The following COL12A1 variants were observed in gnomAD, a reference collection of about 807,000 sequenced individuals.
COL12A1 encodes collagen alpha-1(XII) chain.
Under a neutral mutation model 349.7 loss-of-function variants are expected in COL12A1, and 114 were observed. The observed-to-expected ratio is 0.33, with a 90% CI of 0.28 to 0.38. The LOEUF is 0.38. Ranked by LOEUF, COL12A1 falls within the 10% of genes least tolerant of loss-of-function variation. COL12A1 has a pLI of 1.00. For missense variants in COL12A1, 3,284 were observed against 3,756.9 expected (o/e 0.87, Z 3.29); for synonymous variants, 1,369 against 1,329.0 (o/e 1.03, Z -0.66).
Position 75,146,084 on chromosome 6 carries a change from G to A in COL12A1, c.4560+18C>T. On this transcript the variant is annotated intron_variant, in intron 24 of 65. Coordinates refer to ENST00000322507, the MANE Select transcript of COL12A1 (RefSeq NM_004370.6). ...AGTCTTGGGAAGACCCAATGTTAAA[G>A]AAACAAACATCTTTCACCTCTTTGG... The A allele has an allele frequency of 6.4e-7, 1 of 1,573,858 alleles. No individual in the cohort carries two copies. The highest frequency in any genetic ancestry group is 8.6e-7 in the Non-Finnish European group (1 of 1,162,500).
Position 75,154,439 on chromosome 6 carries a change from G to A in COL12A1, c.3542C>T (p.Thr1181Ile), listed in dbSNP as rs1168744619. Residue 1181 changes from threonine (T) to isoleucine (I), a missense_variant, in exon 17 of 66, where the codon ACT becomes ATT. Physicochemically the swap from Thr to Ile is moderately conservative, Grantham distance 89 (BLOSUM62 -1). Coordinates refer to ENST00000322507, the MANE Select transcript of COL12A1 (RefSeq NM_004370.6). ...GQEMTTLSDT[T>I]VMPILSSGME... is the part of the protein sequence containing the mutation. ...ACCAGAAGATAAAATTGGCATAACA[G>A]TTGTGTCGGAAAGGGTTGTCATTTC... 6.2e-7 allele frequency: 1 copy of A among 1,612,358 alleles called. No homozygotes were observed. The highest frequency in any genetic ancestry group is 8.5e-7 in the Non-Finnish European group (1 of 1,178,958).
intron 52 of COL12A1, among the ~76,000 whole-genome samples, chr6:75,108,020 G>A (rs1282426271): frequency 1.3e-5 from 2 of 152,124 alleles, no homozygotes; most frequent in Non-Finnish European, 2.9e-5. Context: ...AATAACTATA[G>A]AAGCCAAACA....
chr6:75,137,311 A>T, intron 31 of COL12A1, 126 bp downstream of exon 31: 1 of 862,228 alleles, frequency 1.2e-6, no homozygotes, highest in Non-Finnish European at 1.7e-6. Flanking sequence ...AGATTATTCC[A>T]TCCAATGCGA....
intron 2 of COL12A1, among the ~76,000 whole-genome samples, chr6:75,199,299 G>A (rs765344872): frequency 3.3e-5 from 5 of 152,248 alleles, no homozygotes; most frequent in South Asian, 2.1e-4. Context: ...TTTGGAAAAC[G>A]AGAGAAGTAG....
At chr6:75,196,367 CAG>C (rs1328608242) in intron 2 of COL12A1, among the ~76,000 whole-genome samples, 6 of 152,132 alleles carry the variant, frequency 3.9e-5, no homozygotes, top group Admixed American at 3.9e-4. Context: ...ACATGAGTCA[CAG>C]AATTTAACTG....
chr6:75,090,195 G>A lies in COL12A1; in HGVS notation c.8856C>T (p.Ser2952=), dbSNP rs375760724. The A allele has an allele frequency of 6.7e-5, 108 of 1,613,946 alleles. No individual in the cohort carries two copies. The highest frequency in any genetic ancestry group is 8.9e-5 in the East Asian group (4 of 44,868). ...GPPGPPGPPG[S]AGARGEPGPG... ...GCCCAGGTTCTCCTCTGGCTCCTGC[G>A]CTACCAGGAGGTCCCGGTGGACCCG... The change falls in exon 63 of 66, where the codon AGC becomes AGT. Residue 2952 remains serine (S), a synonymous_variant. Transcript: ENST00000322507. The surrounding 1 kb of genome is among the most constrained non-coding windows in gnomAD (Gnocchi z 4.1).
chr6:75,110,077 GTGATAAATATAAATTCCATATTTCTTTTA>G (rs1359675925), intron 51 of COL12A1, among the ~76,000 whole-genome samples: 8 of 151,982 alleles, frequency 5.3e-5, no homozygotes, highest in African/African-American at 1.9e-4. Context: ...TACTGCATCT[GTGATAAATATAAATTCCATATTTCTTTTA>G]TATAAAAGTA....
Position 75,134,792 on chromosome 6 carries a change from T to A in COL12A1, c.5458A>T (p.Thr1820Ser). ...GGATACAGAGAGGATACGGTGATAG[T>A]GTAAGGAGTGTCTGGCTTCAGTTTC... ...LQKLKPDTPY[T>S]ITVSSLYPDG... The change falls in exon 32 of 66, where the codon ACT becomes TCT. Residue 1820 changes from threonine (T) to serine (S), a missense_variant. Physicochemically the swap from Thr to Ser is moderately conservative, Grantham distance 58 (BLOSUM62 1). Transcript: ENST00000322507. 6.2e-7 allele frequency: 1 copy of A among 1,613,436 alleles called. No homozygotes were observed. The highest frequency in any genetic ancestry group is 2.2e-5 in the East Asian group (1 of 44,866).
intron 3 of COL12A1, among the ~76,000 whole-genome samples, chr6:75,193,089 A>C (rs1770030072): frequency 6.6e-6 from 1 of 152,166 alleles, no homozygotes; most frequent in Admixed American, 6.5e-5. Flanking sequence ...TAGGAAAGAT[A>C]ACAGGTGCAA....
chr6:75,126,261 G>T, intron 39 of COL12A1, 90 bp downstream of exon 39: 1 of 1,432,352 alleles, frequency 7.0e-7, no homozygotes, highest in Non-Finnish European at 9.4e-7. Context: ...ACTCTCAGGA[G>T]AACCCAACAG....
chr6:75,125,634 A>G (rs975002297), intron 39 of COL12A1, among the ~76,000 whole-genome samples: 4 of 152,124 alleles, frequency 2.6e-5, no homozygotes, highest in Admixed American at 1.3e-4. Context: ...TTGTAGAGAT[A>G]ATTTAAGAAT....
At chr6:75,202,664 T>G in intron 2 of COL12A1, 56 bp downstream of exon 2, 1 of 1,495,642 alleles carries the variant, frequency 6.7e-7, no homozygotes, top group Non-Finnish European at 9.1e-7. Flanking sequence ...AAGATGTGTT[T>G]TTTCCTTTCT....
intron 27 of COL12A1, among the ~76,000 whole-genome samples, chr6:75,141,026 T>C (rs1766867290): frequency 6.6e-6 from 1 of 152,232 alleles, no homozygotes; most frequent in Non-Finnish European, 1.5e-5. Flanking sequence ...ATTGTACTGA[T>C]AGCTGTTGAA....
At chr6:75,165,960 T>C (rs773370264) in intron 13 of COL12A1, among the ~76,000 whole-genome samples, 181 bp from the exon 14 acceptor site, 7 of 152,148 alleles carry the variant, frequency 4.6e-5, no homozygotes, top group Non-Finnish European at 1.0e-4. Context: ...ATAGATGCAA[T>C]AAAACTTTAG....
chr6:75,186,012 T>A (rs986798399), intron 8 of COL12A1, among the ~76,000 whole-genome samples: 1 of 152,036 alleles, frequency 6.6e-6, no homozygotes, highest in South Asian at 2.1e-4. Flanking sequence ...ACTGTAAGAA[T>A]CCTGGAAAAC....
At chr6:75,088,752 C>T (rs763295305) in intron 64 of COL12A1, among the ~76,000 whole-genome samples, 1 of 151,776 alleles carries the variant, frequency 6.6e-6, no homozygotes, top group Admixed American at 6.6e-5. Context: ...TCTGTAATCC[C>T]AGCACTTTGG....
chr6:75,102,357 T>A (rs1240067667), intron 56 of COL12A1, among the ~76,000 whole-genome samples: 1 of 152,180 alleles, frequency 6.6e-6, no homozygotes, highest in East Asian at 1.9e-4. Flanking sequence ...TCTACTTTAC[T>A]TATAAGAAAA....
Position 75,124,009 on chromosome 6 carries a change from G to A in COL12A1, c.6810C>T (p.Val2270=), listed in dbSNP as rs1384590633. 7 of 1,613,724 alleles carry A rather than the reference G, an allele frequency of 4.3e-6. No individual in the cohort carries two copies. In the Admixed American group the frequency reaches 1.2e-4, roughly 27 times the overall value. ...GATTTGGTGTCTGCACAAAAACAGTGACACCATAATCAGTGTCTGGTGAAA... is the reference window on the plus strand; with the variant it reads ...GATTTGGTGTCTGCACAAAAACAGTAACACCATAATCAGTGTCTGGTGAAA... ...TGLSPDTDYG[V]TVFVQTPNLE... Residue 2270 remains valine (V), a synonymous_variant, in exon 42 of 66, where the codon GTC becomes GTT. Transcript: ENST00000322507.
intron 47 of COL12A1, among the ~76,000 whole-genome samples, chr6:75,116,504 G>C (rs1051866272): frequency 3.6e-4 from 54 of 152,046 alleles, no homozygotes; most frequent in African/African-American, 1.2e-3. Context: ...AGTAGTTTTT[G>C]CTCTGGACCC....
Sources: gnomAD v4.1 joint callset for allele counts (sites outside exome capture counted in the v4.1 genomes callset) on GRCh38, gnomAD v4.1.1 for gene constraint, Gnocchi (gnomAD v3.1) non-coding constraint, MANE v1.5 for transcripts, NCBI Gene and HGNC (gene_info 2026-07-23, HGNC 2026-07-21) for gene names.